The following CNOT10 variants were observed in gnomAD, a reference collection of about 807,000 sequenced individuals.
The protein encoded by CNOT10 is CCR4-NOT transcription complex subunit 10.
A neutral mutation model predicts 94.6 loss-of-function variants in CNOT10; 30 were observed. That is an observed-to-expected ratio of 0.32 (90% CI 0.24 to 0.43). The LOEUF (loss-of-function observed/expected upper bound fraction) is 0.43. Ranked by LOEUF, CNOT10 falls within the 20% of genes least tolerant of loss-of-function variation. The probability of loss-of-function intolerance (pLI) is 1.00; values close to 1 mark genes in which losing one functional copy is unlikely to be tolerated. For synonymous variants in CNOT10, 289 were observed against 301.6 expected (o/e 0.96, Z 0.43); for missense variants, 759 against 877.2 (o/e 0.87, Z 1.70).
rs1553637887 is a variant in CNOT10 at position 32,754,489 on chromosome 3, A to ATATATATAT, written c.1596-4969_1596-4968insTATATATAT. ...AAGACTCCGTCTCAAAAAAAAAAAA[A>ATATATATAT]ATACATATATATATATATATTTATT... On this transcript the variant is annotated intron_variant, in intron 13 of 18. Coordinates refer to ENST00000328834, the MANE Select transcript of CNOT10 (RefSeq NM_015442.3). 2.7e-4 allele frequency among the ~76,000 whole-genome samples: 19 copies of ATATATATAT among 70,222 alleles called. 1 individual carries two copies. Among genetic ancestry groups the ATATATATAT allele is most frequent in the East Asian group, 1.8e-3 (3 of 1,624 alleles). The allele number at this position is 70,222 out of a possible 152,430, so 46.1% of individuals were successfully genotyped here.
chr3:32,691,533 C>T (rs1696849621), intron 1 of CNOT10, among the ~76,000 whole-genome samples: 1 of 152,056 alleles, frequency 6.6e-6, no homozygotes, highest in Admixed American at 6.6e-5. Flanking sequence ...TCTTGAACTC[C>T]TGAGCTTAAG....
intron 13 of CNOT10, among the ~76,000 whole-genome samples, chr3:32,742,025 G>A (rs930283817): frequency 6.8e-6 from 1 of 147,530 alleles, no homozygotes; most frequent in Non-Finnish European, 1.5e-5. Context: ...GCATGACCTC[G>A]GCTCACTGCA....
intron 18 of CNOT10, among the ~76,000 whole-genome samples, chr3:32,770,495 T>C (rs1700855976): frequency 6.6e-6 from 1 of 150,992 alleles, no homozygotes; most frequent in Non-Finnish European, 1.5e-5. Flanking sequence ...CCACCTAATT[T>C]TGTGTATTTT....
At chr3:32,690,936 C>T (rs12639264) in intron 1 of CNOT10, among the ~76,000 whole-genome samples, 21,974 of 151,500 alleles carry the variant, frequency 0.15, 1,724 homozygotes, top group South Asian at 0.24. Context: ...ATATCTACCC[C>T]CTAGTTCATT....
intron 10 of CNOT10, among the ~76,000 whole-genome samples, chr3:32,729,869 C>T (rs1007366476): frequency 6.8e-6 from 1 of 147,420 alleles, no homozygotes; most frequent in South Asian, 2.1e-4. Context: ...CCCGGGTTCA[C>T]GCCATTCTCC....
chr3:32,686,918 C>G (rs540336930), intron 1 of CNOT10, among the ~76,000 whole-genome samples: 3 of 152,258 alleles, frequency 2.0e-5, no homozygotes, highest in African/African-American at 7.2e-5. Context: ...TGACACACTC[C>G]CTGCCTTTGA....
Position 32,720,175 on chromosome 3 carries a change from C to A in CNOT10, c.806C>A (p.Ala269Asp). The A allele has an allele frequency of 6.4e-7, 1 of 1,558,550 alleles. No homozygotes were observed. Among genetic ancestry groups the A allele is most frequent in the Non-Finnish European group, 8.8e-7 (1 of 1,140,142 alleles). The change falls in exon 8 of 19, where the codon GCC (alanine) becomes GAC (aspartate). Residue 269 changes from alanine to aspartate, a missense_variant. Around this residue, in one of 3 missense-constraint regions of CNOT10, gnomAD observed 682 missense variants for 799.4 expected, o/e 0.85. Transcript: ENST00000328834. ...TACTTAAGAGGTAATTATCGAAAAG[C>A]CGTGAAGCTATTAAATAGTTCAAAC... is the stretch of plus-strand genomic sequence containing the variant. The part of the protein sequence containing the change: ...FEYLRGNYRK[A>D]VKLLNSSNIA...
intron 13 of CNOT10, among the ~76,000 whole-genome samples, chr3:32,748,519 T>C (rs1379386321): frequency 1.3e-5 from 2 of 152,146 alleles, no homozygotes; most frequent in Non-Finnish European, 2.9e-5. Context: ...TTTTTTGATA[T>C]TTATTTATTT....
intron 4 of CNOT10, among the ~76,000 whole-genome samples, chr3:32,711,932 T>G (rs1233101336): frequency 6.6e-6 from 1 of 152,240 alleles, no homozygotes; most frequent in African/African-American, 2.4e-5. Flanking sequence ...TTTCAGTTTT[T>G]TAAATGAATT....
At chr3:32,733,266 A>G (rs1285186346) in intron 10 of CNOT10, among the ~76,000 whole-genome samples, 157 bp from the exon 11 acceptor site, 1 of 152,142 alleles carries the variant, frequency 6.6e-6, no homozygotes, top group Non-Finnish European at 1.5e-5. Context: ...TACTTTTTCC[A>G]CTAATACCAA....
intron 13 of CNOT10, among the ~76,000 whole-genome samples, chr3:32,756,382 G>T (rs75258201): frequency 0.02 from 3,109 of 152,126 alleles, 45 homozygotes; most frequent in Non-Finnish European, 0.033. Flanking sequence ...TTATAGTTTG[G>T]GCTTCCTGGG....
At chr3:32,746,593 T>A (rs1575280566) in intron 13 of CNOT10, among the ~76,000 whole-genome samples, 1 of 151,932 alleles carries the variant, frequency 6.6e-6, no homozygotes, top group Admixed American at 6.6e-5. Context: ...TCCCAGCACT[T>A]TGGGAGGCCG....
At chr3:32,719,831 T>C (rs1220555850) in intron 7 of CNOT10, among the ~76,000 whole-genome samples, 4 of 152,214 alleles carry the variant, frequency 2.6e-5, no homozygotes, top group African/African-American at 9.6e-5. Context: ...GTGTAGTAGA[T>C]GAACACAATC....
intron 7 of CNOT10, 37 bp downstream of exon 7, chr3:32,717,274 T>G (rs777289296): frequency 2.2e-5 from 28 of 1,249,528 alleles, no homozygotes; most frequent in Non-Finnish European, 2.9e-5. Context: ...TCAATTTGTG[T>G]CTTTCTTATT....
chr3:32,741,043 G>A (rs950582022), intron 13 of CNOT10, among the ~76,000 whole-genome samples: 5 of 151,720 alleles, frequency 3.3e-5, no homozygotes, highest in Admixed American at 2.6e-4. Flanking sequence ...CCCTCATATT[G>A]CCCTCTTATA....
chr3:32,704,820 T>G lies in CNOT10; in HGVS notation c.127T>G (p.Tyr43Asp). The change falls in exon 3 of 19, where the codon TAT becomes GAT. Residue 43 changes from tyrosine to aspartate, a missense_variant. Tyr to Asp is a radical substitution (Grantham distance 160). Transcript: ENST00000328834. The stretch of plus-strand genomic sequence containing the variant: ...GGTTTTTTTTTTTTAGTCTGGAAAT[T>G]ATGATGCCTGTCTACAACACCTTGC... ...NAFQAFTSGN[Y>D]DACLQHLACL... 1 of 1,562,278 alleles carries G rather than the reference T, an allele frequency of 6.4e-7. No individual in the cohort carries two copies. The highest frequency in any genetic ancestry group is 8.6e-7 in the Non-Finnish European group (1 of 1,164,692).
intron 10 of CNOT10, among the ~76,000 whole-genome samples, chr3:32,729,573 A>T (rs1698841090): frequency 6.6e-6 from 1 of 152,116 alleles, no homozygotes; most frequent in Non-Finnish European, 1.5e-5. Context: ...GGATTAAAGA[A>T]GTGTGTTTGC....
intron 8 of CNOT10, among the ~76,000 whole-genome samples, chr3:32,723,210 G>A (rs960441893): frequency 7.9e-5 from 12 of 151,902 alleles, no homozygotes; most frequent in Middle Eastern, 6.8e-3. Flanking sequence ...TGACTAACAC[G>A]GTGAAACCCC....
intron 13 of CNOT10, chr3:32,753,018 G>C: frequency 2.0e-6 from 1 of 490,040 alleles, no homozygotes; most frequent in Non-Finnish European, 4.1e-6. Flanking sequence ...GCTGACTAAG[G>C]CTTTGGAACA....
Sources: gnomAD v4.1 joint callset for allele counts (sites outside exome capture counted in the v4.1 genomes callset) on GRCh38, gnomAD v4.1.1 for gene constraint, gnomAD v4.1.1 regional missense constraint, MANE v1.5 for transcripts, NCBI Gene and HGNC (gene_info 2026-07-23, HGNC 2026-07-21) for gene names.